SLC7A1: variants seen among roughly 807,000 people sequenced by gnomAD.
SLC7A1 encodes the protein high affinity cationic amino acid transporter 1.
A neutral mutation model predicts 53.9 loss-of-function variants in SLC7A1; 10 were observed. The observed-to-expected ratio is 0.19, with a 90% CI of 0.11 to 0.31. The LOEUF is 0.31. Among genes scored for constraint, SLC7A1 ranks in the 10% least tolerant of loss-of-function variants. The pLI is 1.00. For missense variants in SLC7A1, 525 were observed against 827.2 expected (o/e 0.63, Z 4.48); for synonymous variants, 342 against 338.7 (o/e 1.01, Z -0.11).
chr13:29,544,879 G>GGT lies in SLC7A1; in HGVS notation c.-14-8678_-14-8677insAC, dbSNP rs1284123984. Among the ~76,000 whole-genome samples the GGT allele has an allele frequency of 2.8e-4, 40 of 141,006 alleles. 2 individuals are homozygous for GGT. Among genetic ancestry groups the GGT allele is most frequent in the African/African-American group, 1.1e-3 (40 of 37,878 alleles). The allele number at this position is 141,006 out of a possible 152,430, so 92.5% of individuals were successfully genotyped here. A position where few individuals can be genotyped will look rare whatever the true frequency, so the allele number is the denominator to read the frequency against. ...GCACCTGCCTCATCGGGGGGGGGGG[G>GGT]CAAGCTCTTCCCACTGACTCAACTC... On this transcript the variant is annotated intron_variant, in intron 2 of 12. Coordinates refer to ENST00000380752, the MANE Select transcript of SLC7A1 (RefSeq NM_003045.5).
intron 8 of SLC7A1, among the ~76,000 whole-genome samples, chr13:29,521,567 A>G (rs1308952711): frequency 6.6e-6 from 1 of 152,196 alleles, no homozygotes; most frequent in African/African-American, 2.4e-5. Flanking sequence ...GGGGCTACGA[A>G]ATGCAATTGC....
At chr13:29,537,240 C>T (rs1441211758) in intron 2 of SLC7A1, among the ~76,000 whole-genome samples, 2 of 152,272 alleles carry the variant, frequency 1.3e-5, no homozygotes, top group East Asian at 1.9e-4. Flanking sequence ...GGCAGGTGAC[C>T]GAGGCCAATA....
chr13:29,587,310 G>C (rs1367846314), intron 1 of SLC7A1, among the ~76,000 whole-genome samples: 1 of 152,158 alleles, frequency 6.6e-6, no homozygotes, highest in East Asian at 1.9e-4. Context: ...AGCTGTTATG[G>C]CGAATGGACC....
Position 29,514,494 on chromosome 13 carries a change from C to A in SLC7A1, c.1876G>T (p.Asp626Tyr). 1 of 1,609,512 alleles carries A rather than the reference C, an allele frequency of 6.2e-7. No homozygotes were observed. Among genetic ancestry groups the A allele is most frequent in the South Asian group, 1.1e-5 (1 of 91,054 alleles). Residue 626 changes from aspartate to tyrosine, a missense_variant, in exon 13 of 13, where the codon GAC (aspartate) becomes TAC (tyrosine). Coordinates refer to ENST00000380752, the MANE Select transcript of SLC7A1 (RefSeq NM_003045.5). ...DQARTPDGNL[D>Y]QCK is the part of the protein sequence containing the mutation. ...GGGGCTGTGCGTCACTTGCACTGGT[C>A]CAAGTTGCCGTCAGGAGTCCTTGCT... is the stretch of plus-strand genomic sequence containing the variant.
intron 2 of SLC7A1, among the ~76,000 whole-genome samples, chr13:29,550,126 C>T (rs1566265311): frequency 6.6e-6 from 1 of 152,212 alleles, no homozygotes; most frequent in Non-Finnish European, 1.5e-5. Context: ...AGACCCAAGA[C>T]CACATTTTCG....
At chr13:29,530,017 A>G (rs6490409) in intron 5 of SLC7A1, among the ~76,000 whole-genome samples, 39,638 of 152,078 alleles carry the variant, frequency 0.26, 6,551 homozygotes, top group East Asian at 0.61. Flanking sequence ...GCACAAGTCA[A>G]ATGTCGGCGA....
chr13:29,540,687 C>A (rs2139113798), intron 2 of SLC7A1, among the ~76,000 whole-genome samples: 3 of 152,310 alleles, frequency 2.0e-5, no homozygotes, highest in African/African-American at 7.2e-5. Flanking sequence ...ATCTTGGGAT[C>A]TTTAAGAAGC....
chr13:29,523,516 G>C, intron 6 of SLC7A1, 28 bp from the exon 7 acceptor site: 6 of 1,540,710 alleles, frequency 3.9e-6, no homozygotes, highest in Non-Finnish European at 5.4e-6. Context: ...CAGCGGAGGA[G>C]GGCACACAGC....
Position 29,510,095 on chromosome 13 carries a change from A to C in SLC7A1, c.*4385T>G, listed in dbSNP as rs994723696. 1.3e-5 allele frequency: 2 copies of C among 152,594 alleles called. No homozygotes were observed. Among genetic ancestry groups the C allele is most frequent in the African/African-American group, 4.8e-5 (2 of 41,446 alleles). 9.5% of individuals were successfully genotyped at this position (152,594 alleles called of 1,614,324 possible). A position where few individuals can be genotyped will look rare whatever the true frequency, so the allele number is the denominator to read the frequency against. On this transcript the variant is annotated 3_prime_UTR_variant, in exon 13 of 13. Transcript: ENST00000380752. ...GACACACTAATAAATACCCTGAGAA[A>C]ATCTTCTCTTTAAGCTTGGCCAAGG...
intron 3 of SLC7A1, among the ~76,000 whole-genome samples, chr13:29,533,666 C>T (rs980631017): frequency 1.5e-4 from 23 of 152,166 alleles, no homozygotes; most frequent in South Asian, 4.1e-4. Flanking sequence ...CAGCCCTCCT[C>T]GTTCTCCCCT....
intron 8 of SLC7A1, among the ~76,000 whole-genome samples, chr13:29,520,707 TA>T (rs1293177660): frequency 6.6e-6 from 1 of 152,192 alleles, no homozygotes; most frequent in East Asian, 1.9e-4. Context: ...TTTCCACAAA[TA>T]TCTCTCAAGC....
chr13:29,573,706 T>C (rs902399594), intron 1 of SLC7A1, among the ~76,000 whole-genome samples: 3 of 152,234 alleles, frequency 2.0e-5, no homozygotes, highest in Non-Finnish European at 4.4e-5. Flanking sequence ...CACAATGATG[T>C]CCCAAATATT....
At position 29,517,766 on chromosome 13, in the gene SLC7A1, C is replaced by T. The variant is rs1408742652; in HGVS notation, c.1317G>A (p.Leu439=). The T allele has an allele frequency of 6.2e-7, 1 of 1,614,152 alleles. No homozygotes were observed. Among genetic ancestry groups the T allele is most frequent in the East Asian group, 2.2e-5 (1 of 44,884 alleles). ...VLRYQPEQPN[L]VYQMASTSDE... ...CGGAAGTACTGGCCATCTGGTATAC[C>T]AGGTTAGGCTGCTCTGGCTGGTACC... The change falls in exon 10 of 13, where the codon CTG becomes CTA. Residue 439 remains leucine (L), a synonymous_variant. Coordinates refer to ENST00000380752, the MANE Select transcript of SLC7A1 (RefSeq NM_003045.5).
At chr13:29,544,483 T>C (rs979270527) in intron 2 of SLC7A1, among the ~76,000 whole-genome samples, 2 of 152,276 alleles carry the variant, frequency 1.3e-5, no homozygotes, top group Admixed American at 6.5e-5. Context: ...TTCGCCCCCT[T>C]ATCAGGTAGG....
intron 2 of SLC7A1, among the ~76,000 whole-genome samples, chr13:29,546,763 G>C (rs981741070): frequency 6.6e-6 from 1 of 152,146 alleles, no homozygotes; most frequent in Non-Finnish European, 1.5e-5. Flanking sequence ...GGTTCGAGAG[G>C]AGACAAAGAA....
chr13:29,536,407 G>T (rs1349802385), intron 2 of SLC7A1, among the ~76,000 whole-genome samples: 1 of 152,190 alleles, frequency 6.6e-6, no homozygotes, highest in African/African-American at 2.4e-5. Context: ...AATTAACCCA[G>T]CAGGCCAACA....
intron 11 of SLC7A1, among the ~76,000 whole-genome samples, chr13:29,516,586 C>G (rs761266458): frequency 1.2e-4 from 19 of 152,348 alleles, no homozygotes; most frequent in Non-Finnish European, 2.6e-4. Flanking sequence ...GGTCAACAAC[C>G]TTTTTTATTA....
chr13:29,523,197 GC>G, intron 7 of SLC7A1, 68 bp downstream of exon 7: 1 of 1,277,294 alleles, frequency 7.8e-7, no homozygotes, highest in Non-Finnish European at 1.1e-6. Context: ...GCTGTACCTG[GC>G]CTGCTATAGC....
At chr13:29,539,673 CAGGGAAGTGCTGG>C (rs1005859095) in intron 2 of SLC7A1, among the ~76,000 whole-genome samples, 15 of 152,162 alleles carry the variant, frequency 9.9e-5, no homozygotes, top group Non-Finnish European at 1.8e-4. Flanking sequence ...ACACCAAGCC[CAGGGAAGTGCTGG>C]AGGGAAGTGC....
Sources: allele counts gnomAD v4.1 joint callset (sites outside exome capture counted in the v4.1 genomes callset), GRCh38; gene constraint gnomAD v4.1.1; transcripts MANE v1.5; gene names NCBI Gene and HGNC (gene_info 2026-07-23, HGNC 2026-07-21).